The following RSL1D1 variants were observed in gnomAD, a reference collection of about 807,000 sequenced individuals.
The protein encoded by RSL1D1 is ribosomal L1 domain-containing protein 1.
A neutral mutation model predicts 44.6 loss-of-function variants in RSL1D1; 34 were observed. That is an observed-to-expected ratio of 0.76 (90% CI 0.58 to 1.02). The LOEUF (loss-of-function observed/expected upper bound fraction) is 1.02. Ranked by LOEUF, RSL1D1 falls within the 50% of genes least tolerant of loss-of-function variation. The pLI, the probability that RSL1D1 is intolerant of heterozygous loss-of-function variation, is 0.00. For missense variants in RSL1D1, 767 were observed against 568.1 expected, an observed-to-expected ratio of 1.35 and a Z score of -3.56; for synonymous variants, 271 against 207.4, an observed-to-expected ratio of 1.31 and a Z score of -2.63.
At position 11,835,091 on chromosome 16, in the gene RSL1D1, G is replaced by C. The variant is rs550569801; in HGVS notation, c.*2696C>G. 1 of 152,308 alleles carries C rather than the reference G, an allele frequency of 6.6e-6. No homozygotes were observed. Among genetic ancestry groups the C allele is most frequent in the South Asian group, 2.1e-4 (1 of 4,828 alleles). 9.4% of individuals were successfully genotyped at this position (152,308 alleles called of 1,614,324 possible). Reference sequence around the variant, plus strand: ...CTAGTGCACTCCAGCCTGGGGAACAGAGTAAGACCATCTCCCCCACTGCCC... The same window carrying C: ...CTAGTGCACTCCAGCCTGGGGAACACAGTAAGACCATCTCCCCCACTGCCC... On this transcript the variant is annotated 3_prime_UTR_variant, in exon 9 of 9. Transcript: ENST00000571133.
Position 11,850,365 on chromosome 16 carries a change from A to G in RSL1D1, c.159T>C (p.Asn53=). 1 of 1,601,032 alleles carries G rather than the reference A, an allele frequency of 6.2e-7. No homozygotes were observed. Among genetic ancestry groups the G allele is most frequent in the Non-Finnish European group, 8.5e-7 (1 of 1,176,942 alleles). Residue 53 remains asparagine, a synonymous_variant, in exon 2 of 9, where the codon AAT becomes AAC. Transcript: ENST00000571133. Reference sequence around the variant, plus strand: ...CATTCTCATTCAAAAGCAACCCATAATTGTTTTTCCTGGACTTGCAATGCG... The same window carrying G: ...CATTCTCATTCAAAAGCAACCCATAGTTGTTTTTCCTGGACTTGCAATGCG... ...LLTHCKSRKN[N]YGLLLNENES...
intron 8 of RSL1D1, 38 bp from the exon 9 acceptor site, chr16:11,838,151 C>G: frequency 6.8e-7 from 1 of 1,471,966 alleles, no homozygotes; most frequent in South Asian, 1.3e-5. Context: ...TAGAAAAAGC[C>G]ACAAAACCTG....
intron 7 of RSL1D1, among the ~76,000 whole-genome samples, chr16:11,841,191 C>T (rs1461890115): frequency 7.9e-5 from 12 of 152,146 alleles, no homozygotes; most frequent in Non-Finnish European, 2.9e-5. Context: ...AGGCGGATCG[C>T]TTGAGCTCAA....
intron 5 of RSL1D1, among the ~76,000 whole-genome samples, chr16:11,844,084 C>T (rs962479642): frequency 1.3e-5 from 2 of 152,024 alleles, no homozygotes; most frequent in South Asian, 2.1e-4. Flanking sequence ...AGGAATGAGA[C>T]GGACTGTTGC....
chr16:11,846,149 T>C (rs1480576319), intron 5 of RSL1D1, among the ~76,000 whole-genome samples: 2 of 151,448 alleles, frequency 1.3e-5, no homozygotes, highest in Admixed American at 6.6e-5. Flanking sequence ...TCCCAGCACT[T>C]TGGGAGGCCA....
chr16:11,839,633 A>G, intron 8 of RSL1D1, 62 bp downstream of exon 8: 1 of 1,588,610 alleles, frequency 6.3e-7, no homozygotes. Context: ...TCAGCACAGT[A>G]CCTGCCTGAC....
At position 11,836,775 on chromosome 16, in the gene RSL1D1, C is replaced by T. The variant is rs183978420; in HGVS notation, c.*1012G>A. On this transcript the variant is annotated 3_prime_UTR_variant, in exon 9 of 9. Transcript: ENST00000571133. ...CAAGCTCAGCATGAAAGCCAAGAAA[C>T]TTCTGTTTCTCCTAAATTCCGTAGC... 2 of 152,262 alleles carry T rather than the reference C, an allele frequency of 1.3e-5. No individual in the cohort carries two copies. The highest frequency in any genetic ancestry group is 2.4e-5 in the African/African-American group (1 of 41,560). The allele number at this position is 152,262 out of a possible 1,614,324, so 9.4% of individuals were successfully genotyped here. A position where few individuals can be genotyped will look rare whatever the true frequency, so the allele number is the denominator to read the frequency against.
At position 11,847,779 on chromosome 16, in the gene RSL1D1, A is replaced by T. The variant is rs1363957621; in HGVS notation, c.273T>A (p.Asp91Glu). ...TCGTAAATAAACAGATATCTTCTGA[A>T]TCTGATCGAATACTATGAGGCAAGG... Reference protein sequence around the residue: ...RLTLPHSIRSDSEDICLFTKD... With the variant: ...RLTLPHSIRSESEDICLFTKD... The change falls in exon 3 of 9, where the codon GAT becomes GAA. Residue 91 changes from aspartate (D) to glutamate (E), a missense_variant. Physicochemically the swap from Asp to Glu is conservative, Grantham distance 45. Coordinates refer to ENST00000571133, the MANE Select transcript of RSL1D1 (RefSeq NM_015659.3). 6.2e-7 allele frequency: 1 copy of T among 1,613,460 alleles called. No homozygotes were observed. Among genetic ancestry groups the T allele is most frequent in the East Asian group, 2.2e-5 (1 of 44,860 alleles).
intron 8 of RSL1D1, among the ~76,000 whole-genome samples, chr16:11,838,813 T>C (rs1488091117): frequency 1.4e-5 from 2 of 142,326 alleles, no homozygotes; most frequent in Non-Finnish European, 3.0e-5. Context: ...GCCGAGATCA[T>C]GCCACTGCAC....
At chr16:11,842,758 T>A (rs2053771274) in intron 5 of RSL1D1, among the ~76,000 whole-genome samples, 1 of 149,482 alleles carries the variant, frequency 6.7e-6, no homozygotes, top group African/African-American at 2.5e-5. Flanking sequence ...CATGAAGGGG[T>A]GACTTTTTTT....
At position 11,837,176 on chromosome 16, in the gene RSL1D1, A is replaced by T. The variant is rs1474551242; in HGVS notation, c.*611T>A. On this transcript the variant is annotated 3_prime_UTR_variant, in exon 9 of 9. Coordinates refer to ENST00000571133, the MANE Select transcript of RSL1D1 (RefSeq NM_015659.3). ...TCTTTTGTAGAGATGGGGTTTTACC[A>T]AGTTGCCCAGGCTAGTCTCAAACTC... The T allele has an allele frequency of 2.6e-5, 4 of 151,960 alleles. No homozygotes were observed. The highest frequency in any genetic ancestry group is 5.9e-5 in the Non-Finnish European group (4 of 67,990). The allele number at this position is 151,960 out of a possible 1,614,324, so 9.4% of individuals were successfully genotyped here.
At position 11,839,746 on chromosome 16, in the gene RSL1D1, G is replaced by A. The variant is rs2141250713; in HGVS notation, c.1095C>T (p.Ile365=). The A allele has an allele frequency of 6.2e-7, 1 of 1,614,030 alleles. No homozygotes were observed. The highest frequency in any genetic ancestry group is 8.5e-7 in the Non-Finnish European group (1 of 1,180,018). ...VKATNESEDE[I]PQLVPIGKKT... is the part of the protein sequence containing the mutation. The stretch of plus-strand genomic sequence containing the variant: ...TCTTTCCTATTGGTACCAGCTGTGG[G>A]ATTTCGTCTTCGGATTCATTTGTTG... Residue 365 remains isoleucine, a synonymous_variant, in exon 8 of 9, where the codon ATC becomes ATT. Transcript: ENST00000571133.
intron 5 of RSL1D1, 56 bp from the exon 6 acceptor site, chr16:11,842,056 C>A (rs898833310): frequency 2.4e-6 from 3 of 1,256,426 alleles, no homozygotes; most frequent in Non-Finnish European, 3.4e-6. Context: ...TCAAAATAAA[C>A]CAGGCAGGTA....
At chr16:11,848,230 G>C (rs758260019) in intron 2 of RSL1D1, among the ~76,000 whole-genome samples, 33 of 152,108 alleles carry the variant, frequency 2.2e-4, no homozygotes, top group Non-Finnish European at 3.8e-4. Flanking sequence ...TCCAGCCTGG[G>C]TAACAAGAGG....
At position 11,838,287 on chromosome 16, in the gene RSL1D1, G is replaced by A. The variant is rs557627036; in HGVS notation, c.1147-174C>T. Among the ~76,000 whole-genome samples, 20 of 152,014 alleles carry A rather than the reference G, an allele frequency of 1.3e-4. No homozygotes were observed. In the South Asian group the frequency reaches 3.5e-3, roughly 27 times the overall value. ...CAGTTCACTGCAACCTCTGCCTCCC[G>A]AGTAGCTGGTATTATAGGTGTGTGC... On this transcript the variant is annotated intron_variant, in intron 8 of 8. Transcript: ENST00000571133.
At chr16:11,844,507 G>C (rs889364888) in intron 5 of RSL1D1, among the ~76,000 whole-genome samples, 3 of 152,114 alleles carry the variant, frequency 2.0e-5, no homozygotes, top group Admixed American at 6.6e-5. Context: ...TCTAGGCTCC[G>C]TGACCAACTC....
intron 2 of RSL1D1, among the ~76,000 whole-genome samples, chr16:11,848,381 C>G (rs2053813723): frequency 1.3e-5 from 2 of 152,168 alleles, no homozygotes; most frequent in Admixed American, 6.6e-5. Context: ...CTTCCAAATG[C>G]TTGCATATAT....
chr16:11,844,640 G>GGTCA (rs1456467179), intron 5 of RSL1D1, among the ~76,000 whole-genome samples: 1 of 152,082 alleles, frequency 6.6e-6, no homozygotes, highest in Non-Finnish European at 1.5e-5. Flanking sequence ...ACTCCCCTGG[G>GGTCA]GTCAGGCCTC....
chr16:11,850,533 T>C, intron 1 of RSL1D1, 115 bp from the exon 2 acceptor site: 18 of 1,052,876 alleles, frequency 1.7e-5, no homozygotes, highest in Non-Finnish European at 2.4e-5. Context: ...TTCTATTTTT[T>C]CCCTTCCAAC....
Sources: allele counts gnomAD v4.1 joint callset (sites outside exome capture counted in the v4.1 genomes callset), GRCh38; gene constraint gnomAD v4.1.1; transcripts MANE v1.5; gene names NCBI Gene and HGNC (gene_info 2026-07-23, HGNC 2026-07-21).